The following CPEB2 variants were observed in gnomAD, a reference collection of about 807,000 sequenced individuals.
CPEB2 encodes the protein cytoplasmic polyadenylation element binding protein 2.
In CPEB2, 56 loss-of-function variants were observed where a neutral mutation model predicts 93.6. The ratio of observed to expected loss-of-function variants is 0.60; its 90% CI spans 0.48 to 0.75. CPEB2 has a LOEUF of 0.75. Ranked by LOEUF, CPEB2 falls within the 30% of genes least tolerant of loss-of-function variation. CPEB2 has a pLI of 0.00. For missense variants in CPEB2, 1,579 were observed against 1,395.1 expected, an observed-to-expected ratio of 1.13 and a Z score of -2.10; for synonymous variants, 764 against 586.3, an observed-to-expected ratio of 1.30 and a Z score of -4.38.
chr4:15,009,066 C>T (rs1301270473), intron 3 of CPEB2, among the ~76,000 whole-genome samples: 2 of 152,134 alleles, frequency 1.3e-5, no homozygotes, highest in Non-Finnish European at 2.9e-5. Context: ...ATCTTTCTTC[C>T]TGCAAACTGA....
chr4:15,015,077 G>A (rs781281039), intron 3 of CPEB2, among the ~76,000 whole-genome samples: 8 of 152,042 alleles, frequency 5.3e-5, no homozygotes, highest in South Asian at 4.1e-4. Flanking sequence ...GACTTCAGAC[G>A]AAGAAACTAA....
rs1577346812 is a variant in CPEB2 at position 15,003,592 on chromosome 4, G to A, written c.919G>A (p.Val307Met). 4 of 1,476,244 alleles carry A rather than the reference G, an allele frequency of 2.7e-6. No individual in the cohort carries two copies. The East Asian group carries it at 9.0e-5, about 33-fold the overall frequency. The allele number at this position is 1,476,244 out of a possible 1,614,324, so 91.4% of individuals were successfully genotyped here. A position where few individuals can be genotyped will look rare whatever the true frequency, so the allele number is the denominator to read the frequency against. Residue 307 changes from valine (V) to methionine (M), a missense_variant, in exon 1 of 12, where the codon GTG becomes ATG. Val to Met is a conservative substitution (Grantham distance 21). Transcript: ENST00000538197. ...TGCGGGCTTGGCCTCCTCGACGCCG[G>A]TGAACCCCGCGCCGGGCTCCATGGA... Reference protein sequence around the residue: ...PNAGLASSTPVNPAPGSMESP... With the variant: ...PNAGLASSTPMNPAPGSMESP...
At chr4:15,045,620 C>T (rs981705048) in intron 6 of CPEB2, among the ~76,000 whole-genome samples, 3 of 151,988 alleles carry the variant, frequency 2.0e-5, no homozygotes, top group Non-Finnish European at 4.4e-5. Context: ...AAAAATCTGC[C>T]ACCTTAAACA....
chr4:15,035,411 C>G (rs190941289), intron 5 of CPEB2, among the ~76,000 whole-genome samples: 1 of 152,132 alleles, frequency 6.6e-6, no homozygotes, highest in African/African-American at 2.4e-5. Context: ...GGGGACTGTT[C>G]TGAGAAGTGA....
At chr4:15,026,238 G>T (rs4308356) in intron 4 of CPEB2, among the ~76,000 whole-genome samples, 148,956 of 150,546 alleles carry the variant, frequency 0.99, 73,732 homozygotes, top group South Asian at 1. Flanking sequence ...TTTTGTTTTT[G>T]TTTTTTGAGA....
intron 5 of CPEB2, among the ~76,000 whole-genome samples, chr4:15,034,653 C>T (rs1329727585): frequency 6.6e-6 from 1 of 152,098 alleles, no homozygotes; most frequent in African/African-American, 2.4e-5. Context: ...AATGTGTTTA[C>T]ATCAGGAAAA....
chr4:15,057,302 T>G (rs1728806036), intron 8 of CPEB2, among the ~76,000 whole-genome samples: 1 of 152,204 alleles, frequency 6.6e-6, no homozygotes, highest in Non-Finnish European at 1.5e-5. Flanking sequence ...TCCAGGTATT[T>G]TTTATGCAAA....
intron 6 of CPEB2, among the ~76,000 whole-genome samples, chr4:15,050,604 GTA>G (rs1053094855): frequency 1.3e-5 from 2 of 152,132 alleles, no homozygotes; most frequent in Admixed American, 1.3e-4. Flanking sequence ...CACAGATCAT[GTA>G]TGTCCTCAAA....
rs1722239983 is a variant in CPEB2, at chr4:15,003,282, C to T, written c.609C>T (p.His203=). Residue 203 remains histidine, a synonymous_variant, in exon 1 of 12, where the codon CAC becomes CAT. Coordinates refer to ENST00000538197, the MANE Select transcript of CPEB2 (RefSeq NM_001177382.2). ...SKPPPPPPPL[H]CPGRFSPPPP... ...CGCCGCCGCCGCCTCCGCCGCTCCA[C>T]TGCCCCGGTCGGTTCAGCCCGCCGC... The T allele has an allele frequency of 2.6e-6, 4 of 1,513,912 alleles. No homozygotes were observed. The highest frequency in any genetic ancestry group is 2.6e-5 in the East Asian group (1 of 37,876). 93.8% of individuals were successfully genotyped at this position (1,513,912 alleles called of 1,614,324 possible).
intron 4 of CPEB2, among the ~76,000 whole-genome samples, chr4:15,023,738 G>C (rs1266831947): frequency 1.3e-5 from 2 of 151,414 alleles, no homozygotes; most frequent in Non-Finnish European, 2.9e-5. Context: ...CTTACTGGTA[G>C]CCACTATGAG....
At chr4:15,053,283 T>A (rs1577455775) in intron 7 of CPEB2, among the ~76,000 whole-genome samples, 2 of 152,116 alleles carry the variant, frequency 1.3e-5, no homozygotes, top group African/African-American at 2.4e-5. Flanking sequence ...CCCAAAGTGC[T>A]GGGATTACAG....
intron 4 of CPEB2, among the ~76,000 whole-genome samples, chr4:15,028,702 A>T (rs1272787130): frequency 6.6e-6 from 1 of 152,002 alleles, no homozygotes; most frequent in African/African-American, 2.4e-5. Flanking sequence ...TGAGAGGTGC[A>T]AGCTTTGGTC....
intron 4 of CPEB2, among the ~76,000 whole-genome samples, chr4:15,030,271 G>A (rs926067625): frequency 6.6e-6 from 1 of 151,802 alleles, no homozygotes; most frequent in South Asian, 2.1e-4. Flanking sequence ...ATACCTTTAT[G>A]TTGTCAATAT....
chr4:15,060,789 A>G (rs2109103217), intron 10 of CPEB2, among the ~76,000 whole-genome samples: 1 of 152,284 alleles, frequency 6.6e-6, no homozygotes, highest in East Asian at 1.9e-4. Context: ...ACTGTTTTAA[A>G]AAGCTGGGAA....
intron 5 of CPEB2, 102 bp downstream of exon 5, chr4:15,033,313 A>G (rs1333281070): frequency 5.4e-6 from 4 of 746,938 alleles, no homozygotes; most frequent in South Asian, 1.6e-5. Context: ...TAATCATTCT[A>G]TGAGCATAAA....
At chr4:15,051,917 T>C (rs1467152250) in intron 6 of CPEB2, among the ~76,000 whole-genome samples, 1 of 152,238 alleles carries the variant, frequency 6.6e-6, no homozygotes, top group Non-Finnish European at 1.5e-5. Context: ...TACTGTTTCA[T>C]GTAATTGGCA....
intron 8 of CPEB2, among the ~76,000 whole-genome samples, chr4:15,054,663 TAGTC>T (rs1191012769): frequency 6.6e-6 from 1 of 152,118 alleles, no homozygotes; most frequent in African/African-American, 2.4e-5. Context: ...TTAGTTATGT[TAGTC>T]AGTTATTGCT....
rs1041074150 is a variant in CPEB2 at position 15,002,900 on chromosome 4, C to G, written c.227C>G (p.Pro76Arg). 1.5e-5 allele frequency: 23 copies of G among 1,510,382 alleles called. No homozygotes were observed. Among genetic ancestry groups the G allele is most frequent in the African/African-American group, 4.3e-5 (3 of 70,188 alleles). 93.6% of individuals were successfully genotyped at this position (1,510,382 alleles called of 1,614,324 possible). A position where few individuals can be genotyped will look rare whatever the true frequency, so the allele number is the denominator to read the frequency against. ...SVPLGGGAGS[P>R]AAAASSSSPF... ...CCCCTCGGCGGCGGCGCGGGCAGCCCGGCCGCCGCCGCTTCCTCTTCCTCC... is the reference window on the plus strand; with the variant it reads ...CCCCTCGGCGGCGGCGCGGGCAGCCGGGCCGCCGCCGCTTCCTCTTCCTCC... The change falls in exon 1 of 12, where the codon CCG becomes CGG. Residue 76 changes from proline (P) to arginine (R), a missense_variant. By Grantham distance (103) the Pro-to-Arg change is moderately radical. This residue lies in a region of CPEB2 where 1,411 missense variants were observed against 1,056.0 expected (regional missense o/e 1.34). Coordinates refer to ENST00000538197, the MANE Select transcript of CPEB2 (RefSeq NM_001177382.2).
chr4:15,029,063 A>G (rs2109019744), intron 4 of CPEB2, among the ~76,000 whole-genome samples: 1 of 152,080 alleles, frequency 6.6e-6, no homozygotes, highest in East Asian at 1.9e-4. Flanking sequence ...ATGTAAAATG[A>G]TGTAGTTTTT....
Sources: gnomAD v4.1 joint callset for allele counts (sites outside exome capture counted in the v4.1 genomes callset) on GRCh38, gnomAD v4.1.1 for gene constraint, gnomAD v4.1.1 regional missense constraint, MANE v1.5 for transcripts, NCBI Gene and HGNC (gene_info 2026-07-23, HGNC 2026-07-21) for gene names.